The following UBXN7 variants were observed in gnomAD, a reference collection of about 807,000 sequenced individuals.
UBXN7 encodes UBX domain-containing protein 7.
In UBXN7, 9 loss-of-function variants were observed where a neutral mutation model predicts 58.0. The ratio of observed to expected loss-of-function variants is 0.16; its 90% CI spans 0.09 to 0.27. The LOEUF (loss-of-function observed/expected upper bound fraction) is 0.27, where lower values mean the gene tolerates loss of function less well. Among genes scored for constraint, UBXN7 ranks in the 10% least tolerant of loss-of-function variants. The pLI is 1.00. For synonymous variants in UBXN7, 208 were observed against 205.0 expected (o/e 1.01, Z -0.12); for missense variants, 328 against 599.6 (o/e 0.55, Z 4.73).
chr3:196,417,149 T>C (rs1027610540), intron 1 of UBXN7, among the ~76,000 whole-genome samples: 4 of 152,054 alleles, frequency 2.6e-5, no homozygotes, highest in Non-Finnish European at 5.9e-5. Flanking sequence ...CCGTCTCTAC[T>C]AAAAATACAA....
intron 1 of UBXN7, among the ~76,000 whole-genome samples, chr3:196,425,941 T>C (rs1254011393): frequency 2.0e-5 from 3 of 152,204 alleles, no homozygotes; most frequent in African/African-American, 4.8e-5. Context: ...TCTATTCCTG[T>C]TAACCTTTAA....
intron 2 of UBXN7, among the ~76,000 whole-genome samples, chr3:196,403,998 C>T (rs1217006373): frequency 6.6e-6 from 1 of 150,986 alleles, no homozygotes; most frequent in Non-Finnish European, 1.5e-5. Flanking sequence ...CCTGTAATCC[C>T]AGTACTTTGG....
At chr3:196,372,824 C>T (rs1728882369) in intron 5 of UBXN7, among the ~76,000 whole-genome samples, 1 of 151,974 alleles carries the variant, frequency 6.6e-6, no homozygotes, top group South Asian at 2.1e-4. Context: ...CGGCTCACTA[C>T]AACCTCCACC....
chr3:196,430,734 A>G (rs1731004214), intron 1 of UBXN7, among the ~76,000 whole-genome samples: 1 of 152,198 alleles, frequency 6.6e-6, no homozygotes, highest in Non-Finnish European at 1.5e-5. Flanking sequence ...AGGATTAATA[A>G]TGATATTCAC....
chr3:196,376,664 G>T (rs994541612), intron 5 of UBXN7, among the ~76,000 whole-genome samples: 27 of 150,570 alleles, frequency 1.8e-4, no homozygotes, highest in African/African-American at 6.6e-4. Context: ...AAATACTTAT[G>T]AAATTAACAA....
At position 196,422,030 on chromosome 3, in the gene UBXN7, T is replaced by C. The variant is rs971170961; in HGVS notation, c.73+10297A>G. Among the ~76,000 whole-genome samples the C allele has an allele frequency of 2.6e-5, 4 of 151,182 alleles. No individual in the cohort carries two copies. In the South Asian group the frequency reaches 8.3e-4, roughly 32 times the overall value. On this transcript the variant is annotated intron_variant, in intron 1 of 10. Transcript: ENST00000296328. ...ACTGGCCAATGTGGTGAAACCCTAGTCTCTAGTAAAAATACAAAAATTATC... is the reference window on the plus strand; with the variant it reads ...ACTGGCCAATGTGGTGAAACCCTAGCCTCTAGTAAAAATACAAAAATTATC...
rs538931841 is a variant in UBXN7 at position 196,380,032 on chromosome 3, G to A, written c.469-7990C>T. Among the ~76,000 whole-genome samples the A allele has an allele frequency of 1.8e-3, 272 of 152,190 alleles. 1 individual carries two copies. Among genetic ancestry groups the A allele is most frequent in the African/African-American group, 6.3e-3 (262 of 41,522 alleles). On this transcript the variant is annotated intron_variant, in intron 5 of 10. Transcript: ENST00000296328. ...TGGGAGGCCAAGGCGGGTGGATCAC[G>A]AGGTCAGGAGATCGAGACCATCCTG...
chr3:196,415,098 T>C (rs1358973213), intron 1 of UBXN7, among the ~76,000 whole-genome samples: 1 of 152,116 alleles, frequency 6.6e-6, no homozygotes, highest in African/African-American at 2.4e-5. Flanking sequence ...TGTTTCAGTG[T>C]TTCCCTAATA....
At chr3:196,393,455 A>G in intron 4 of UBXN7, 99 bp downstream of exon 4, 1 of 1,121,606 alleles carries the variant, frequency 8.9e-7, no homozygotes, top group Non-Finnish European at 1.3e-6. Context: ...TTTTTAAAGA[A>G]GGTGAAAACT....
chr3:196,392,830 GA>G (rs1441778554), intron 4 of UBXN7, among the ~76,000 whole-genome samples: 7 of 152,090 alleles, frequency 4.6e-5, no homozygotes, highest in African/African-American at 1.7e-4. Context: ...ATAAAAAAAA[GA>G]TTATGACAGT....
intron 5 of UBXN7, among the ~76,000 whole-genome samples, chr3:196,372,257 G>T (rs1461252271): frequency 6.8e-6 from 1 of 147,000 alleles, no homozygotes; most frequent in Non-Finnish European, 1.5e-5. Context: ...AAATTTAAAT[G>T]AACTCATTTC....
intron 3 of UBXN7, among the ~76,000 whole-genome samples, chr3:196,396,412 A>T (rs1036940663): frequency 4.0e-5 from 6 of 151,734 alleles, no homozygotes; most frequent in East Asian, 1.9e-4. Context: ...AAAAAAAAAA[A>T]AATTAACTTT....
intron 1 of UBXN7, among the ~76,000 whole-genome samples, chr3:196,428,304 T>C (rs564309712): frequency 6.6e-6 from 1 of 151,952 alleles, no homozygotes; most frequent in East Asian, 1.9e-4. Context: ...AACCGTGTAT[T>C]TTAGCTGGGC....
intron 5 of UBXN7, among the ~76,000 whole-genome samples, chr3:196,386,132 G>T (rs1729386106): frequency 6.6e-6 from 1 of 152,036 alleles, no homozygotes; most frequent in Non-Finnish European, 1.5e-5. Flanking sequence ...TTAAATGGAT[G>T]AAGGGCGGTG....
chr3:196,377,675 TTTTTCTTTTGAGACAGGGTCTCACTG>T, intron 5 of UBXN7, among the ~76,000 whole-genome samples: 1 of 152,194 alleles, frequency 6.6e-6, no homozygotes, highest in Middle Eastern at 3.4e-3. Flanking sequence ...TTCTCCTTTT[TTTTTCTTTTGAGACAGGGTCTCACTG>T]TGTTGCTCAG....
chr3:196,363,243 C>T (rs1178946986), intron 8 of UBXN7, among the ~76,000 whole-genome samples: 2 of 127,772 alleles, frequency 1.6e-5, no homozygotes, highest in African/African-American at 3.4e-5. Context: ...TACATACATA[C>T]ATACATAAAT....
At position 196,356,636 on chromosome 3, in the gene UBXN7, A is replaced by G. The variant is rs1276912688; in HGVS notation, c.*49T>C. On this transcript the variant is annotated 3_prime_UTR_variant, in exon 11 of 11. Transcript: ENST00000296328. Reference sequence around the variant, plus strand: ...ATGCATACTTAGTGACATGTATCTCACAGGAAAAGGGAAAAAAGGGGTAAG... The same window carrying G: ...ATGCATACTTAGTGACATGTATCTCGCAGGAAAAGGGAAAAAAGGGGTAAG... 1 of 1,545,398 alleles carries G rather than the reference A, an allele frequency of 6.5e-7. No individual in the cohort carries two copies.
intron 1 of UBXN7, among the ~76,000 whole-genome samples, chr3:196,430,882 C>T (rs960662538): frequency 6.6e-5 from 10 of 151,916 alleles, no homozygotes; most frequent in African/African-American, 2.4e-4. Context: ...TATAATAATC[C>T]AATCCTTTAT....
At chr3:196,419,469 T>C (rs1415493469) in intron 1 of UBXN7, among the ~76,000 whole-genome samples, 1 of 152,122 alleles carries the variant, frequency 6.6e-6, no homozygotes, top group Non-Finnish European at 1.5e-5. Flanking sequence ...AAGCCAGTGC[T>C]AGAAAGAAGC....
Sources: gnomAD v4.1 joint callset for allele counts (sites outside exome capture counted in the v4.1 genomes callset) on GRCh38, gnomAD v4.1.1 for gene constraint, MANE v1.5 for transcripts, NCBI Gene and HGNC (gene_info 2026-07-23, HGNC 2026-07-21) for gene names.